Variants in MSI2 observed in about 807,000 individuals in gnomAD.
MSI2 encodes the protein RNA-binding protein Musashi homolog 2.
Under a neutral mutation model 45.6 loss-of-function variants are expected in MSI2, and 17 were observed. The ratio of observed to expected loss-of-function variants is 0.37; its 90% CI spans 0.26 to 0.56. The LOEUF (loss-of-function observed/expected upper bound fraction) is 0.56, where lower values mean the gene tolerates loss of function less well. MSI2 is among the 20% of genes least tolerant of loss of function. MSI2 has a pLI of 0.77. For missense variants in MSI2, 293 were observed against 444.2 expected, an observed-to-expected ratio of 0.66 and a Z score of 3.06; for synonymous variants, 156 against 158.2, an observed-to-expected ratio of 0.99 and a Z score of 0.11.
intron 5 of MSI2, among the ~76,000 whole-genome samples, chr17:57,399,122 T>C (rs2083942008): frequency 6.6e-6 from 1 of 152,098 alleles, no homozygotes; most frequent in African/African-American, 2.4e-5. Flanking sequence ...AAGGAATGGG[T>C]GAGAAGGGAG....
At chr17:57,377,298 G>C (rs1355329530) in intron 5 of MSI2, among the ~76,000 whole-genome samples, 1 of 152,190 alleles carries the variant, frequency 6.6e-6, no homozygotes, top group Non-Finnish European at 1.5e-5. Flanking sequence ...CCTCAGGTAC[G>C]AGTCTGCTAA....
At chr17:57,548,737 A>G (rs975282888) in intron 7 of MSI2, among the ~76,000 whole-genome samples, 6 of 152,128 alleles carry the variant, frequency 3.9e-5, no homozygotes, top group Admixed American at 6.5e-5. Context: ...ACTCCACTTC[A>G]TGAAGCAAAG....
chr17:57,275,812 C>A (rs1346915580), intron 5 of MSI2, among the ~76,000 whole-genome samples: 1 of 152,144 alleles, frequency 6.6e-6, no homozygotes, highest in East Asian at 1.9e-4. Flanking sequence ...AGGGAAAAAG[C>A]CATATTTGCT....
intron 8 of MSI2, among the ~76,000 whole-genome samples, chr17:57,605,470 T>C (rs1418931645): frequency 1.3e-5 from 2 of 152,220 alleles, no homozygotes; most frequent in African/African-American, 2.4e-5. Context: ...CAGCACCCAG[T>C]GCCTCTGGGC....
At chr17:57,492,584 AG>A (rs1256082605) in intron 6 of MSI2, among the ~76,000 whole-genome samples, 1 of 151,634 alleles carries the variant, frequency 6.6e-6, no homozygotes, top group Non-Finnish European at 1.5e-5. Context: ...GGGAGGGGTG[AG>A]GGAACTCCAT....
chr17:57,541,653 T>C (rs2087048923), intron 7 of MSI2, among the ~76,000 whole-genome samples: 1 of 152,190 alleles, frequency 6.6e-6, no homozygotes, highest in African/African-American at 2.4e-5. Flanking sequence ...CTACAGGTCT[T>C]CAGTTGTAAG....
intron 5 of MSI2, among the ~76,000 whole-genome samples, chr17:57,350,718 C>T (rs1915966079): frequency 6.6e-6 from 1 of 152,180 alleles, no homozygotes; most frequent in South Asian, 2.1e-4. Flanking sequence ...CTCTGAGCGC[C>T]TCCTGATCCC....
intron 7 of MSI2, among the ~76,000 whole-genome samples, chr17:57,563,744 G>GCA (rs1447030230): frequency 5.2e-4 from 60 of 115,786 alleles, no homozygotes; most frequent in African/African-American, 7.7e-4. Flanking sequence ...ACACACAGGC[G>GCA]CGCACACACA....
chr17:57,627,326 G>T lies in MSI2; in HGVS notation c.727+23G>T. ...CAGGTGAGTGGCTTGGTCTCCCAGGGCTTTGGAAGCACAAGAGGTGGGCTG... is the reference window on the plus strand; with the variant it reads ...CAGGTGAGTGGCTTGGTCTCCCAGGTCTTTGGAAGCACAAGAGGTGGGCTG... On this transcript the variant is annotated intron_variant, in intron 10 of 13. Transcript: ENST00000284073. This position sits in a 1 kb window ranked among gnomAD's most constrained non-coding sequence, Gnocchi z 4.6. 1.2e-6 allele frequency: 2 copies of T among 1,611,514 alleles called. No individual in the cohort carries two copies. The highest frequency in any genetic ancestry group is 1.7e-4 in the Middle Eastern group (1 of 6,058).
chr17:57,614,229 T>A (rs987944904), intron 8 of MSI2, among the ~76,000 whole-genome samples: 29 of 152,188 alleles, frequency 1.9e-4, no homozygotes, highest in African/African-American at 6.3e-4. Flanking sequence ...TTTTTTGTAT[T>A]TTTAGTAGAG....
chr17:57,591,445 C>T (rs529975741), intron 7 of MSI2, among the ~76,000 whole-genome samples: 3 of 152,186 alleles, frequency 2.0e-5, no homozygotes, highest in Admixed American at 6.5e-5. Flanking sequence ...AAATATAAGC[C>T]GGTGTGGTGG....
chr17:57,438,128 A>T (rs962106095), intron 6 of MSI2, among the ~76,000 whole-genome samples: 1 of 152,158 alleles, frequency 6.6e-6, no homozygotes, highest in African/African-American at 2.4e-5. Context: ...GAGACAGTGC[A>T]CCAGTAGAGG....
At chr17:57,367,525 T>A (rs942398051) in intron 5 of MSI2, among the ~76,000 whole-genome samples, 24 of 152,210 alleles carry the variant, frequency 1.6e-4, no homozygotes, top group Non-Finnish European at 2.1e-4. Flanking sequence ...TTCCATGGCC[T>A]GCCCCATTGG....
At chr17:57,539,898 C>T (rs1420419) in intron 7 of MSI2, among the ~76,000 whole-genome samples, 37,480 of 152,090 alleles carry the variant, frequency 0.25, 6,195 homozygotes, top group African/African-American at 0.47. Context: ...CTAGTAAACA[C>T]GTGGGGACCT....
intron 10 of MSI2, among the ~76,000 whole-genome samples, chr17:57,646,808 CT>C (rs1025877556): frequency 1.3e-5 from 2 of 151,768 alleles, no homozygotes; most frequent in African/African-American, 4.9e-5. Flanking sequence ...ATTAGTGCTT[CT>C]TTCTTTTTTA....
chr17:57,312,881 T>C (rs575763577), intron 5 of MSI2, among the ~76,000 whole-genome samples: 47 of 152,280 alleles, frequency 3.1e-4, no homozygotes, highest in African/African-American at 1.1e-3. Flanking sequence ...AGAGTCTCGC[T>C]CTGTTGCCAG....
chr17:57,317,534 G>A (rs1220606643), intron 5 of MSI2, among the ~76,000 whole-genome samples: 26 of 128,484 alleles, frequency 2.0e-4, no homozygotes, highest in South Asian at 5.1e-4. Flanking sequence ...TTTTTGAGAC[G>A]GGGTCTCACT....
chr17:57,441,689 T>C lies in MSI2; in HGVS notation c.405+40218T>C, dbSNP rs1475992049. Among the ~76,000 whole-genome samples, 5 of 152,206 alleles carry C rather than the reference T, an allele frequency of 3.3e-5. No homozygotes were observed. The East Asian group carries it at 9.6e-4, about 29-fold the overall frequency. On this transcript the variant is annotated intron_variant, in intron 6 of 13. Transcript: ENST00000284073. Reference sequence around the variant, plus strand: ...TCCCTTTTCTCTCAGCCTGATTCTGTGCTTTCTTTCTTCCTTTTCGTTGTT... The same window carrying C: ...TCCCTTTTCTCTCAGCCTGATTCTGCGCTTTCTTTCTTCCTTTTCGTTGTT...
intron 5 of MSI2, among the ~76,000 whole-genome samples, chr17:57,293,771 G>A (rs1332915250): frequency 1.3e-5 from 2 of 151,664 alleles, no homozygotes; most frequent in Non-Finnish European, 2.9e-5. Flanking sequence ...ACCACACCCG[G>A]CTAATTTTGT....
Sources: gnomAD v4.1 joint callset for allele counts (sites outside exome capture counted in the v4.1 genomes callset) on GRCh38, gnomAD v4.1.1 for gene constraint, Gnocchi (gnomAD v3.1) non-coding constraint, MANE v1.5 for transcripts, NCBI Gene and HGNC (gene_info 2026-07-23, HGNC 2026-07-21) for gene names.